Variants in NXNL2 observed in about 807,000 individuals in gnomAD.
NXNL2 encodes the protein nucleoredoxin like 2.
NXNL2 carries 7 observed loss-of-function variants against 11.1 expected under a neutral mutation model. The ratio of observed to expected loss-of-function variants is 0.63; its 90% CI spans 0.36 to 1.18. The LOEUF is 1.18. NXNL2 is among the 50% of genes most tolerant of loss of function. The probability of loss-of-function intolerance (pLI) is 0.02; values close to 1 mark genes in which losing one functional copy is unlikely to be tolerated. For missense variants in NXNL2, 233 were observed against 217.7 expected (o/e 1.07, Z -0.44); for synonymous variants, 109 against 101.8 (o/e 1.07, Z -0.42).
At chr9:88,576,182 G>A (rs1209360786), downstream of NXNL2, among the ~76,000 whole-genome samples, 3 of 152,328 alleles carry the variant, frequency 2.0e-5, no homozygotes, top group East Asian at 3.9e-4. Flanking sequence ...GCGATGGAGC[G>A]AGACTCCGTC....
At chr9:88,554,485 A>T (rs149240510) in intron 1 of NXNL2, among the ~76,000 whole-genome samples, 24 of 152,292 alleles carry the variant, frequency 1.6e-4, no homozygotes, top group African/African-American at 5.3e-4. Context: ...GATTACAGAC[A>T]TGAGCCACCG....
chr9:88,567,621 T>C (rs748632585), intron 1 of NXNL2, among the ~76,000 whole-genome samples: 2 of 151,974 alleles, frequency 1.3e-5, no homozygotes, highest in African/African-American at 2.4e-5. Flanking sequence ...GGTGAAAGAG[T>C]AAAAAAATGA....
In NXNL2 at chr9:88,535,672, C is replaced by T. The variant is rs910257051; in HGVS notation, c.238C>T (p.Leu80=). ...VSADGSSQEM[L]DFMRELHGAW... is the part of the protein sequence containing the mutation. ...AGCCGACGGCAGCTCCCAGGAGATG[C>T]TGGACTTCATGCGCGAGCTGCATGG... Residue 80 remains leucine, a synonymous_variant, in exon 1 of 2, where the codon CTG becomes TTG. Transcript: ENST00000375854. The T allele has an allele frequency of 3.1e-6, 5 of 1,606,330 alleles. No individual in the cohort carries two copies. Among genetic ancestry groups the T allele is most frequent in the Non-Finnish European group, 4.2e-6 (5 of 1,178,640 alleles).
chr9:88,575,638 T>C (rs1398278402), exon 3 of NXNL2: 2 of 152,276 alleles, frequency 1.3e-5, no homozygotes, highest in Non-Finnish European at 2.9e-5. Flanking sequence ...AAGGTGGGAA[T>C]GGTTAATAGG....
At chr9:88,566,292 T>G (rs930611167) in intron 1 of NXNL2, among the ~76,000 whole-genome samples, 1 of 152,072 alleles carries the variant, frequency 6.6e-6, no homozygotes, top group Non-Finnish European at 1.5e-5. Context: ...TTCCCTTATG[T>G]TTTCTTTTCT....
At position 88,544,802 on chromosome 9, in the gene NXNL2, G is replaced by A. The variant is rs757216689; in HGVS notation, c.*255G>A. On this transcript the variant is annotated 3_prime_UTR_variant, in exon 2 of 2. Coordinates refer to ENST00000375854, the MANE Select transcript of NXNL2 (RefSeq NM_001161625.2). ...CCTTTATCCACCTGTGCTTAAGGAA[G>A]GATCCTCATATGTTCATACTGAGCT... is the stretch of plus-strand genomic sequence containing the variant. The A allele has an allele frequency of 5.0e-6, 6 of 1,198,294 alleles. No individual in the cohort carries two copies. The African/African-American group carries it at 9.5e-5, about 19-fold the overall frequency. The allele number at this position is 1,198,294 out of a possible 1,614,324, so 74.2% of individuals were successfully genotyped here.
At chr9:88,563,286 T>C (rs894405908) in intron 1 of NXNL2, among the ~76,000 whole-genome samples, 1 of 152,230 alleles carries the variant, frequency 6.6e-6, no homozygotes, top group Non-Finnish European at 1.5e-5. Context: ...GGCGACTTTC[T>C]ATTCTAACTT....
At chr9:88,562,109 G>A (rs1266626741) in intron 1 of NXNL2, among the ~76,000 whole-genome samples, 1 of 152,142 alleles carries the variant, frequency 6.6e-6, no homozygotes, top group Non-Finnish European at 1.5e-5. Context: ...ACTACACAGG[G>A]ACAACCTACA....
intron 1 of NXNL2, among the ~76,000 whole-genome samples, chr9:88,565,052 C>T (rs904431922): frequency 1.4e-4 from 22 of 152,212 alleles, no homozygotes; most frequent in African/African-American, 5.1e-4. Flanking sequence ...AACCACCATT[C>T]TACTCTATTC....
chr9:88,544,312 A>AG, intron 1 of NXNL2, 67 bp from the exon 2 acceptor site: 1 of 1,406,550 alleles, frequency 7.1e-7, no homozygotes, highest in Non-Finnish European at 9.8e-7. Context: ...GGCTGGAGGG[A>AG]GGGGGCGTGT....
In NXNL2 at chr9:88,535,656, C is replaced by A; in HGVS notation, c.222C>A (p.Gly74=). 6.2e-7 allele frequency: 1 copy of A among 1,608,390 alleles called. No individual in the cohort carries two copies. The highest frequency in any genetic ancestry group is 1.1e-5 in the South Asian group (1 of 90,990). ...PFEVVFVSAD[G]SSQEMLDFMR... is the part of the protein sequence containing the mutation. ...AAGTGGTCTTCGTGTCAGCCGACGG[C>A]AGCTCCCAGGAGATGCTGGACTTCA... is the stretch of plus-strand genomic sequence containing the variant. The change falls in exon 1 of 2, where the codon GGC becomes GGA. Residue 74 remains glycine, a synonymous_variant. Transcript: ENST00000375854.
chr9:88,548,339 CAAAAAAAAAAAAAAAAAAAAAAAAAAAAA>C (rs60796870), downstream of NXNL2, among the ~76,000 whole-genome samples: 6 of 31,068 alleles, frequency 1.9e-4, no homozygotes, highest in East Asian at 3.3e-3. Flanking sequence ...GACTTTTTCT[CAAAAAAAAAAAAAAAAAAAAAAAAAAAAA>C]AAAAAAAAAA....
chr9:88,570,516 C>T (rs1214095228), intron 1 of NXNL2, among the ~76,000 whole-genome samples: 1 of 152,158 alleles, frequency 6.6e-6, no homozygotes, highest in African/African-American at 2.4e-5. Flanking sequence ...AATGCAAACT[C>T]CTGGGCAAGT....
chr9:88,554,677 C>T (rs61272193), intron 1 of NXNL2, among the ~76,000 whole-genome samples: 4,368 of 152,248 alleles, frequency 0.029, 229 homozygotes, highest in African/African-American at 0.098. Context: ...TATTGCAGAG[C>T]CCTGGATATA....
chr9:88,554,067 C>T (rs1829980082), intron 1 of NXNL2, among the ~76,000 whole-genome samples: 1 of 152,166 alleles, frequency 6.6e-6, no homozygotes, highest in Non-Finnish European at 1.5e-5. Context: ...ACATGAAACT[C>T]ATCGTTATAA....
At chr9:88,540,935 A>ATTTTTTTTTTT (rs71507764) in intron 1 of NXNL2, among the ~76,000 whole-genome samples, 2 of 91,080 alleles carry the variant, frequency 2.2e-5, no homozygotes, top group Admixed American at 1.3e-4. Flanking sequence ...ATCTCAGTAG[A>ATTTTTTTTTTT]TTTTTTTTTT....
downstream of NXNL2, among the ~76,000 whole-genome samples, chr9:88,576,301 A>T (rs371755496): frequency 6.6e-6 from 1 of 152,232 alleles, no homozygotes; most frequent in East Asian, 1.9e-4. Flanking sequence ...CGATGGACCT[A>T]GACTTCTCAA....
intron 2 of NXNL2, among the ~76,000 whole-genome samples, chr9:88,573,031 TGAAGGGCC>T (rs767541045): frequency 2.6e-4 from 39 of 152,344 alleles, no homozygotes; most frequent in Admixed American, 5.2e-4. Flanking sequence ...TAATATTGCC[TGAAGGGCC>T]GATTTACCTG....
At chr9:88,538,118 G>A (rs1829666640) in intron 1 of NXNL2, among the ~76,000 whole-genome samples, 2 of 152,176 alleles carry the variant, frequency 1.3e-5, no homozygotes, top group African/African-American at 4.8e-5. Context: ...GCCCAGAGGG[G>A]ATTGAGATGA....
Sources: allele counts gnomAD v4.1 joint callset (sites outside exome capture counted in the v4.1 genomes callset), GRCh38; gene constraint gnomAD v4.1.1; transcripts MANE v1.5; gene names NCBI Gene and HGNC (gene_info 2026-07-23, HGNC 2026-07-21).